The following ZNF169 variants were observed in gnomAD, a reference collection of about 807,000 sequenced individuals.
ZNF169 encodes zinc finger protein 169.
A neutral mutation model predicts 12.0 loss-of-function variants in ZNF169; 11 were observed. The ratio of observed to expected loss-of-function variants is 0.92; its 90% confidence interval spans 0.58 to 1.52. The LOEUF is 1.52. Ranked by LOEUF, ZNF169 falls within the 40% of genes most tolerant of loss-of-function variation. ZNF169 has a pLI of 0.00. For missense variants in ZNF169, 722 were observed against 744.0 expected, an observed-to-expected ratio of 0.97 and a Z score of 0.34; for synonymous variants, 302 against 286.5, an observed-to-expected ratio of 1.05 and a Z score of -0.55.
At chr9:94,259,648 G>A (rs1002594792) in intron 1 of ZNF169, among the ~76,000 whole-genome samples, 4 of 152,158 alleles carry the variant, frequency 2.6e-5, no homozygotes, top group African/African-American at 9.7e-5. Flanking sequence ...GACTTCCCGA[G>A]CTACTTCGCA....
chr9:94,269,323 C>T (rs1830350532), intron 1 of ZNF169, among the ~76,000 whole-genome samples: 1 of 151,864 alleles, frequency 6.6e-6, no homozygotes, highest in Non-Finnish European at 1.5e-5. Context: ...GGACAAATGG[C>T]TTCGCAAGCC....
intron 1 of ZNF169, among the ~76,000 whole-genome samples, chr9:94,270,729 TTA>T (rs1830382139): frequency 1.1e-4 from 2 of 18,374 alleles, no homozygotes. Flanking sequence ...ATATTATATA[TTA>T]TATAATTAAT....
intron 4 of ZNF169, chr9:94,294,744 T>G (rs1830917739): frequency 6.6e-6 from 1 of 152,232 alleles, no homozygotes; most frequent in Non-Finnish European, 1.5e-5. Flanking sequence ...CATCTGTGAT[T>G]TGACCATTCA....
At chr9:94,287,329 A>G (rs1292827807) in intron 2 of ZNF169, among the ~76,000 whole-genome samples, 2 of 152,042 alleles carry the variant, frequency 1.3e-5, no homozygotes, top group African/African-American at 4.8e-5. Flanking sequence ...AAGATACACT[A>G]AATTCTGAAG....
chr9:94,285,521 G>A (rs1434724311), intron 2 of ZNF169, among the ~76,000 whole-genome samples: 1 of 152,070 alleles, frequency 6.6e-6, no homozygotes. Context: ...AAATTTGGCA[G>A]GTAACAAACC....
At chr9:94,274,375 G>A (rs980148093) in intron 1 of ZNF169, among the ~76,000 whole-genome samples, 2 of 152,098 alleles carry the variant, frequency 1.3e-5, no homozygotes, top group African/African-American at 4.8e-5. Flanking sequence ...GAATCACCGA[G>A]TTCAAAATAT....
chr9:94,298,527 A>G (rs1362783602), intron 4 of ZNF169, among the ~76,000 whole-genome samples: 2 of 152,106 alleles, frequency 1.3e-5, no homozygotes, highest in Admixed American at 1.3e-4. Context: ...ACCTAAGGTC[A>G]GGAGTTCAAG....
chr9:94,276,748 G>A (rs1830527700), intron 1 of ZNF169, among the ~76,000 whole-genome samples: 1 of 152,006 alleles, frequency 6.6e-6, no homozygotes, highest in Admixed American at 6.5e-5. Context: ...TCTTTTTATT[G>A]TATTTTTTCT....
chr9:94,287,014 A>G (rs1209281055), intron 2 of ZNF169, among the ~76,000 whole-genome samples: 4 of 152,208 alleles, frequency 2.6e-5, no homozygotes, highest in African/African-American at 4.8e-5. Context: ...CCTCTCATCA[A>G]TTAGGGTTAG....
At chr9:94,270,444 A>G (rs1257596078) in intron 1 of ZNF169, among the ~76,000 whole-genome samples, 3 of 150,952 alleles carry the variant, frequency 2.0e-5, no homozygotes, top group Non-Finnish European at 2.9e-5. Flanking sequence ...TCTTGATCTC[A>G]GGGAAATCAT....
At chr9:94,267,929 G>A (rs1030601318) in intron 1 of ZNF169, among the ~76,000 whole-genome samples, 2 of 145,574 alleles carry the variant, frequency 1.4e-5, no homozygotes, top group Non-Finnish European at 3.0e-5. Flanking sequence ...GCAATGGTGT[G>A]ATCTCAGCTC....
intron 3 of ZNF169, 139 bp downstream of exon 3, chr9:94,292,606 G>T (rs962748571): frequency 1.5e-5 from 13 of 840,904 alleles, no homozygotes; most frequent in African/African-American, 2.3e-5. Flanking sequence ...TCACAGTGCA[G>T]TTGTGTGTGT....
intron 1 of ZNF169, among the ~76,000 whole-genome samples, chr9:94,272,880 C>CTGTTTTGTTTTGTTTTGTTT (rs534061540): frequency 7.9e-5 from 12 of 152,022 alleles, no homozygotes; most frequent in African/African-American, 2.6e-4. Context: ...CACTTATTTT[C>CTGTTTTGTTTTGTTTTGTTT]TGTTTTGTTT....
intron 1 of ZNF169, among the ~76,000 whole-genome samples, chr9:94,278,315 G>A (rs912211305): frequency 1.3e-5 from 2 of 152,124 alleles, no homozygotes; most frequent in Non-Finnish European, 2.9e-5. Flanking sequence ...TCAGGTTATG[G>A]CCTCCACCCT....
rs747272830 is a variant in ZNF169 at position 94,300,609 on chromosome 9, T to C, written c.1051T>C (p.Cys351Arg). The C allele has an allele frequency of 1.1e-5, 17 of 1,614,050 alleles. No homozygotes were observed. The highest frequency in any genetic ancestry group is 1.4e-5 in the Non-Finnish European group (16 of 1,180,040). ...GGAGAAGCCCTTCGTGTGTCCTGAG[T>C]GTGGGAGAGGCTTTTGCCAGAAGGC... ...LEEKPFVCPE[C>R]GRGFCQKASL... The change falls in exon 5 of 5, where the codon TGT (cysteine) becomes CGT (arginine). Residue 351 changes from cysteine (C) to arginine (R), a missense_variant. Physicochemically the swap from Cys to Arg is radical, Grantham distance 180. Coordinates refer to ENST00000395395, the MANE Select transcript of ZNF169 (RefSeq NM_194320.4).
intron 1 of ZNF169, among the ~76,000 whole-genome samples, chr9:94,278,022 T>C (rs1388115793): frequency 1.3e-5 from 2 of 152,156 alleles, no homozygotes; most frequent in African/African-American, 2.4e-5. Flanking sequence ...AATTGTCTCT[T>C]GTAGTCTGCT....
chr9:94,262,602 C>T (rs1199627255), intron 1 of ZNF169, among the ~76,000 whole-genome samples: 16 of 151,568 alleles, frequency 1.1e-4, no homozygotes, highest in African/African-American at 3.6e-4. Flanking sequence ...GGGCTACAGG[C>T]GTGCGCCACC....
At position 94,301,349 on chromosome 9, in the gene ZNF169, C is replaced by T. The variant is rs780814801; in HGVS notation, c.1791C>T (p.Leu597=). 4 of 1,612,682 alleles carry T rather than the reference C, an allele frequency of 2.5e-6. No homozygotes were observed. The Admixed American group carries it at 6.7e-5, about 27-fold the overall frequency. Residue 597 remains leucine, a synonymous_variant, in exon 5 of 5, where the codon CTC becomes CTT. Transcript: ENST00000395395. ...RHRRTKSGHQ[L]LPQEVF is the part of the protein sequence containing the mutation. ...GGAGGACCAAGTCTGGTCATCAGCT[C>T]CTACCCCAAGAGGTCTTCTGACCTT...
rs1288085336 is a variant in ZNF169, at chr9:94,300,991, G to A, written c.1433G>A (p.Arg478Lys). 1 of 1,614,164 alleles carries A rather than the reference G, an allele frequency of 6.2e-7. No homozygotes were observed. The highest frequency in any genetic ancestry group is 2.2e-5 in the East Asian group (1 of 44,894). ...GQKVTLIRHQ[R>K]THTGEKPYLC... is the part of the protein sequence containing the mutation. ...AAGGTCACCCTCATCAGACACCAGA[G>A]GACACACACAGGGGAGAAGCCTTAT... is the stretch of plus-strand genomic sequence containing the variant. The change falls in exon 5 of 5, where the codon AGG (arginine) becomes AAG (lysine). Residue 478 changes from arginine to lysine, a missense_variant. Coordinates refer to ENST00000395395, the MANE Select transcript of ZNF169 (RefSeq NM_194320.4).
Sources: gnomAD v4.1 joint callset for allele counts (sites outside exome capture counted in the v4.1 genomes callset) on GRCh38, gnomAD v4.1.1 for gene constraint, MANE v1.5 for transcripts, NCBI Gene and HGNC (gene_info 2026-07-23, HGNC 2026-07-21) for gene names.